Variants in NTNG1 observed in about 807,000 individuals in gnomAD.
NTNG1 encodes netrin G1.
Under a neutral mutation model 54.0 loss-of-function variants are expected in NTNG1, and 16 were observed. That is an observed-to-expected ratio of 0.30 (90% confidence interval 0.20 to 0.45). The LOEUF is 0.45. NTNG1 is among the 20% of genes least tolerant of loss of function. The pLI, the probability that NTNG1 is intolerant of heterozygous loss-of-function variation, is 1.00. For missense variants in NTNG1, 530 were observed against 678.7 expected (o/e 0.78, Z 2.43); for synonymous variants, 255 against 263.1 (o/e 0.97, Z 0.30).
chr1:107,436,592 T>C, intron 6 of NTNG1, 73 bp from the exon 7 acceptor site: 1 of 1,328,636 alleles, frequency 7.5e-7, no homozygotes, highest in South Asian at 1.8e-5. Context: ...TTTAAGTACG[T>C]GACGCTCCTG....
chr1:107,187,442 C>G (rs1228784228), intron 2 of NTNG1, among the ~76,000 whole-genome samples: 1 of 152,142 alleles, frequency 6.6e-6, no homozygotes, highest in East Asian at 1.9e-4. Flanking sequence ...TAACAATTGG[C>G]TTACAAGATC....
At chr1:107,144,582 T>G (rs1340419369) in intron 1 of NTNG1, among the ~76,000 whole-genome samples, 7 of 151,958 alleles carry the variant, frequency 4.6e-5, no homozygotes, top group African/African-American at 1.7e-4. Flanking sequence ...TTGGGAGGCT[T>G]TTTTTTTCTG....
At chr1:107,195,994 G>A (rs540565791) in intron 2 of NTNG1, among the ~76,000 whole-genome samples, 1 of 125,404 alleles carries the variant, frequency 8.0e-6, no homozygotes, top group South Asian at 2.1e-4. Flanking sequence ...CTCCTAGAAT[G>A]TAAGCCTCAT....
At chr1:107,350,358 G>T (rs1227999850) in intron 3 of NTNG1, among the ~76,000 whole-genome samples, 1 of 151,974 alleles carries the variant, frequency 6.6e-6, no homozygotes, top group Non-Finnish European at 1.5e-5. Context: ...GACTTTTGAT[G>T]AATAGATGTT....
chr1:107,207,092 C>T lies in NTNG1; in HGVS notation c.246+58253C>T, dbSNP rs1053410581. Among the ~76,000 whole-genome samples the T allele has an allele frequency of 5.9e-5, 9 of 152,266 alleles. 1 individual carries two copies. The South Asian group carries it at 1.9e-3, about 32-fold the overall frequency. ...GTGAAGTGTGTTTCGGAGATGAAAA[C>T]ATCCAATTACTTGGTTCCTAATTTC... is the stretch of plus-strand genomic sequence containing the variant. On this transcript the variant is annotated intron_variant, in intron 2 of 7. Transcript: ENST00000370068.
intron 2 of NTNG1, among the ~76,000 whole-genome samples, chr1:107,200,043 T>C (rs1386107325): frequency 6.6e-6 from 1 of 151,890 alleles, no homozygotes; most frequent in Non-Finnish European, 1.5e-5. Flanking sequence ...GTACTAGACA[T>C]GACAAGTACT....
chr1:107,140,421 C>G (rs1008102924), upstream of NTNG1, among the ~76,000 whole-genome samples: 1 of 152,010 alleles, frequency 6.6e-6, no homozygotes, highest in Non-Finnish European at 1.5e-5. Flanking sequence ...GGCCGGGAGC[C>G]GCTGGTGGGG....
chr1:107,346,827 A>C (rs1204227264), intron 3 of NTNG1, among the ~76,000 whole-genome samples: 1 of 148,730 alleles, frequency 6.7e-6, no homozygotes, highest in Non-Finnish European at 1.5e-5. Flanking sequence ...GTAGGAATTC[A>C]AAAAACAGCA....
chr1:107,337,339 T>A (rs913985087), intron 3 of NTNG1, among the ~76,000 whole-genome samples: 1 of 152,024 alleles, frequency 6.6e-6, no homozygotes, highest in Admixed American at 6.6e-5. Flanking sequence ...GACATTATGC[T>A]AAGTGAAATA....
At position 107,148,933 on chromosome 1, in the gene NTNG1, T is replaced by A. The variant is rs1027963097; in HGVS notation, c.246+94T>A. On this transcript the variant is annotated intron_variant, in intron 2 of 7. Transcript: ENST00000370068. ...GTGAGTGTGAAGACAATTCATGCAA[T>A]AAGTTGAATCTGCAGGTGGCAGATT... 6 of 1,295,274 alleles carry A rather than the reference T, an allele frequency of 4.6e-6. No homozygotes were observed. In the African/African-American group the frequency reaches 8.8e-5, roughly 19 times the overall value. The allele number at this position is 1,295,274 out of a possible 1,614,324, so 80.2% of individuals were successfully genotyped here.
chr1:107,151,965 G>A (rs1051515570), intron 2 of NTNG1, among the ~76,000 whole-genome samples: 2 of 151,446 alleles, frequency 1.3e-5, no homozygotes, highest in Admixed American at 6.6e-5. Flanking sequence ...TAATCATAGT[G>A]GATAAGGAAG....
chr1:107,334,126 T>A (rs778832862), intron 3 of NTNG1: 2 of 151,962 alleles, frequency 1.3e-5, no homozygotes, highest in Non-Finnish European at 2.9e-5. Context: ...GAAAGAAAAA[T>A]TAGATTAACC....
At chr1:107,279,012 C>G (rs1465831714) in intron 2 of NTNG1, among the ~76,000 whole-genome samples, 1 of 152,044 alleles carries the variant, frequency 6.6e-6, no homozygotes, top group Non-Finnish European at 1.5e-5. Flanking sequence ...TAGGTTGATT[C>G]TAAAAGTTAA....
intron 2 of NTNG1, among the ~76,000 whole-genome samples, chr1:107,257,637 C>T (rs1195179459): frequency 6.6e-6 from 1 of 152,138 alleles, no homozygotes; most frequent in East Asian, 1.9e-4. Context: ...AATTTGATCC[C>T]TGCATGTAGA....
chr1:107,351,933 G>C (rs12031824), intron 3 of NTNG1, among the ~76,000 whole-genome samples: 2 of 152,006 alleles, frequency 1.3e-5, no homozygotes, highest in Non-Finnish European at 2.9e-5. Context: ...TACAGGCCCC[G>C]TGCAAGTCCA....
At chr1:107,413,133 C>A (rs145508868) in intron 5 of NTNG1, among the ~76,000 whole-genome samples, 4 of 132,624 alleles carry the variant, frequency 3.0e-5, no homozygotes, top group Non-Finnish European at 4.9e-5. Flanking sequence ...CTTTTCTTTT[C>A]TGTTTTTTGT....
At chr1:107,466,914 T>C (rs1028771746) in intron 7 of NTNG1, among the ~76,000 whole-genome samples, 1 of 152,238 alleles carries the variant, frequency 6.6e-6, no homozygotes, top group African/African-American at 2.4e-5. Context: ...AATGACTTAA[T>C]TTCCCCCCTT....
intron 7 of NTNG1, among the ~76,000 whole-genome samples, chr1:107,459,326 A>G (rs1056808368): frequency 1.3e-5 from 2 of 152,202 alleles, no homozygotes; most frequent in Non-Finnish European, 2.9e-5. Context: ...CTTTCCTAAC[A>G]TAAAGGCCAC....
At chr1:107,369,636 T>G (rs1245805155) in intron 3 of NTNG1, among the ~76,000 whole-genome samples, 1 of 152,184 alleles carries the variant, frequency 6.6e-6, no homozygotes, top group Non-Finnish European at 1.5e-5. Flanking sequence ...TTATGTATTC[T>G]GGATGCATAT....
Sources: allele counts gnomAD v4.1 joint callset (sites outside exome capture counted in the v4.1 genomes callset), GRCh38; gene constraint gnomAD v4.1.1; transcripts MANE v1.5; gene names NCBI Gene and HGNC (gene_info 2026-07-23, HGNC 2026-07-21).